LHX8: variants seen among roughly 807,000 people sequenced by gnomAD.
LHX8 encodes the protein LIM homeobox 8.
In LHX8, 12 loss-of-function variants were observed where a neutral mutation model predicts 40.3. The observed-to-expected ratio is 0.30, with a 90% CI of 0.19 to 0.48. The LOEUF (loss-of-function observed/expected upper bound fraction) is 0.48, where lower values mean the gene tolerates loss of function less well. Ranked by LOEUF, LHX8 falls within the 20% of genes least tolerant of loss-of-function variation. LHX8 has a pLI of 0.99. For missense variants in LHX8, 344 were observed against 433.7 expected (o/e 0.79, Z 1.84); for synonymous variants, 179 against 162.0 (o/e 1.10, Z -0.80).
rs780522058 is a variant in LHX8, at chr1:75,137,108, C to T, written c.84C>T (p.Pro28=). The T allele has an allele frequency of 2.5e-6, 4 of 1,604,758 alleles. No individual in the cohort carries two copies. The African/African-American group carries it at 4.0e-5, about 16-fold the overall frequency. The change falls in exon 3 of 9, where the codon CCC becomes CCT. Residue 28 remains proline, a synonymous_variant. Transcript: ENST00000356261. The part of the protein sequence containing the change: ...KGAGEEGLVS[P]EGAGDEDSCS... ...CTCGCGGTTTCCTGCAGGTGAGCCC[C>T]GAGGGAGCGGGGGACGAGGACTCGT...
At chr1:75,155,513 A>T in intron 7 of LHX8, among the ~76,000 whole-genome samples, 1 of 152,006 alleles carries the variant, frequency 6.6e-6, no homozygotes, top group Non-Finnish European at 1.5e-5. Context: ...GGATTACAGG[A>T]GTGAGCCACT....
downstream of LHX8, among the ~76,000 whole-genome samples, chr1:75,165,384 T>A (rs1234332239): frequency 6.6e-6 from 1 of 152,106 alleles, no homozygotes; most frequent in African/African-American, 2.4e-5. Context: ...ATTAACAAAT[T>A]TCCCCCAGTT....
At chr1:75,147,338 G>A (rs1035719800) in intron 6 of LHX8, among the ~76,000 whole-genome samples, 12 of 152,070 alleles carry the variant, frequency 7.9e-5, no homozygotes, top group African/African-American at 2.9e-4. Flanking sequence ...TCCTTACATT[G>A]CCAAGTTTTA....
the LHX8 span, among the ~76,000 whole-genome samples, chr1:75,175,454 T>A: frequency 1.3e-5 from 2 of 152,200 alleles, no homozygotes; most frequent in South Asian, 2.1e-4. Context: ...TTTCACCATA[T>A]CCATGACAAT....
At chr1:75,157,245 G>A (rs1301904093) in intron 8 of LHX8, among the ~76,000 whole-genome samples, 169 bp downstream of exon 8, 1 of 152,190 alleles carries the variant, frequency 6.6e-6, no homozygotes, top group East Asian at 1.9e-4. Flanking sequence ...TTTTATTTCT[G>A]TGATTACATT....
At chr1:75,168,772 A>G in the LHX8 span, among the ~76,000 whole-genome samples, 1 of 152,286 alleles carries the variant, frequency 6.6e-6, no homozygotes, top group South Asian at 2.1e-4. Flanking sequence ...TTCCAATTCC[A>G]GTCCAGCCTC....
chr1:75,146,370 T>C (rs1486832348), intron 6 of LHX8, among the ~76,000 whole-genome samples: 2 of 152,202 alleles, frequency 1.3e-5, no homozygotes, highest in African/African-American at 4.8e-5. Context: ...TTGGCAAATA[T>C]ATTTCAAATA....
rs532339912 is a variant in LHX8, at chr1:75,158,348, ACT to A, written c.964+1277_964+1278del. The stretch of plus-strand genomic sequence containing the variant: ...CCTACTTAGTTGCTTGGCTTTTTCT[ACT>A]CTCTTAATGGAATGTTTCATTGAGC... On this transcript the variant is annotated intron_variant, in intron 8 of 8. Transcript: ENST00000356261. Among the ~76,000 whole-genome samples the A allele has an allele frequency of 1.1e-4, 16 of 151,780 alleles. No individual in the cohort carries two copies. The East Asian group carries it at 2.3e-3, about 22-fold the overall frequency.
At chr1:75,130,607 A>G, upstream of LHX8, 1 of 1,013,568 alleles carries the variant, frequency 9.9e-7, no homozygotes, top group South Asian at 1.3e-5. Flanking sequence ...GAATAAAAGC[A>G]CCCCTCTCTT....
At chr1:75,174,463 G>T in the LHX8 span, among the ~76,000 whole-genome samples, 1 of 152,140 alleles carries the variant, frequency 6.6e-6, no homozygotes, top group Non-Finnish European at 1.5e-5. Context: ...TTATGCTGGG[G>T]TCCATAGCTT....
Position 75,148,615 on chromosome 1 carries a change from A to G in LHX8, c.713A>G (p.Asn238Ser). The change falls in exon 7 of 9, where the codon AAC (asparagine) becomes AGC (serine). Residue 238 changes from asparagine (N) to serine (S), a missense_variant. Around this residue, in one of 3 missense-constraint regions of LHX8, gnomAD observed 147 missense variants for 250.8 expected, o/e 0.59. Transcript: ENST00000356261. ...ATGCAAGCACAATTTGCTCAGGACA[A>G]CAACCCAGATGCACAGACACTCCAG... ...QVMQAQFAQD[N>S]NPDAQTLQKL... 1 of 1,614,050 alleles carries G rather than the reference A, an allele frequency of 6.2e-7. No homozygotes were observed. Among genetic ancestry groups the G allele is most frequent in the Non-Finnish European group, 8.5e-7 (1 of 1,179,920 alleles).
chr1:75,135,239 C>T (rs1469102381), intron 1 of LHX8, among the ~76,000 whole-genome samples: 1 of 152,242 alleles, frequency 6.6e-6, no homozygotes, highest in Non-Finnish European at 1.5e-5. Context: ...GGGAAGCTGA[C>T]AAGCTCTCAC....
chr1:75,143,190 G>A lies in LHX8; in HGVS notation c.432G>A (p.Gly144=). The A allele has an allele frequency of 6.2e-7, 1 of 1,613,810 alleles. No homozygotes were observed. Among genetic ancestry groups the A allele is most frequent in the Non-Finnish European group, 8.5e-7 (1 of 1,179,764 alleles). The change falls in exon 5 of 9, where the codon GGG becomes GGA. Residue 144 remains glycine (G), a synonymous_variant. Transcript: ENST00000356261. ...CTGACTGGGTCCGGAGAGCCAAGGG[G>A]AATGTCTATCACTTGGCATGCTTTG... ...HSTDWVRRAK[G]NVYHLACFAC... is the part of the protein sequence containing the mutation.
At chr1:75,177,482 T>G in the LHX8 span, among the ~76,000 whole-genome samples, 12 of 152,208 alleles carry the variant, frequency 7.9e-5, no homozygotes, top group African/African-American at 2.9e-4. Flanking sequence ...GTTTGTCTAT[T>G]ATTGATGTAT....
At chr1:75,175,527 G>A in the LHX8 span, among the ~76,000 whole-genome samples, 1 of 152,106 alleles carries the variant, frequency 6.6e-6, no homozygotes, top group South Asian at 2.1e-4. Context: ...TTATTGCATT[G>A]TGGAATTTGA....
At chr1:75,145,691 T>C (rs1169137772) in intron 6 of LHX8, among the ~76,000 whole-genome samples, 7 of 152,118 alleles carry the variant, frequency 4.6e-5, no homozygotes, top group Admixed American at 2.0e-4. Context: ...TTGCTTGATC[T>C]TCCAGGAGAC....
At chr1:75,157,196 T>C in intron 8 of LHX8, 120 bp downstream of exon 8, 1 of 1,143,030 alleles carries the variant, frequency 8.7e-7, no homozygotes, top group East Asian at 2.5e-5. Context: ...CTGAAAAATA[T>C]TGTGGGGGGT....
At chr1:75,143,396 A>G (rs930696983) in intron 5 of LHX8, 58 bp downstream of exon 5, 1 of 1,341,614 alleles carries the variant, frequency 7.5e-7, no homozygotes, top group African/African-American at 1.5e-5. Flanking sequence ...AGGAATAAAA[A>G]TAACTTTTCC....
chr1:75,155,591 G>A (rs558970585), intron 7 of LHX8, among the ~76,000 whole-genome samples: 3 of 152,210 alleles, frequency 2.0e-5, no homozygotes, highest in African/African-American at 7.2e-5. Flanking sequence ...TTCAAACACA[G>A]GCATATTAGC....
Sources: gnomAD v4.1 joint callset for allele counts (sites outside exome capture counted in the v4.1 genomes callset) on GRCh38, gnomAD v4.1.1 for gene constraint, gnomAD v4.1.1 regional missense constraint, MANE v1.5 for transcripts, NCBI Gene and HGNC (gene_info 2026-07-23, HGNC 2026-07-21) for gene names.